The following CALD1 variants were observed in gnomAD, a reference collection of about 807,000 sequenced individuals.
CALD1 encodes caldesmon.
Under a neutral mutation model 99.9 loss-of-function variants are expected in CALD1, and 33 were observed. The observed-to-expected ratio is 0.33, with a 90% confidence interval of 0.25 to 0.44. The LOEUF (loss-of-function observed/expected upper bound fraction) is 0.44. Ranked by LOEUF, CALD1 falls within the 20% of genes least tolerant of loss-of-function variation. CALD1 has a pLI of 1.00. For synonymous variants in CALD1, 310 were observed against 325.0 expected (o/e 0.95, Z 0.50); for missense variants, 861 against 962.1 (o/e 0.89, Z 1.39).
chr7:134,821,598 T>C (rs1247978378), intron 1 of CALD1, among the ~76,000 whole-genome samples: 3 of 133,210 alleles, frequency 2.3e-5, no homozygotes, highest in African/African-American at 8.1e-5. Context: ...TTTTTTTTTT[T>C]TTGAGACAGA....
chr7:134,889,582 TGTAA>T (rs1463847573), intron 3 of CALD1, among the ~76,000 whole-genome samples: 5 of 152,162 alleles, frequency 3.3e-5, no homozygotes, highest in Non-Finnish European at 7.3e-5. Context: ...CACCGACTTT[TGTAA>T]GTAATTGAAG....
At chr7:134,792,260 G>A (rs374803406) in intron 1 of CALD1, among the ~76,000 whole-genome samples, 11 of 150,674 alleles carry the variant, frequency 7.3e-5, no homozygotes, top group Non-Finnish European at 1.3e-4. Context: ...CTTTCTGAAC[G>A]TGTATCTGCA....
chr7:134,870,591 C>T (rs1231985716), intron 3 of CALD1, among the ~76,000 whole-genome samples: 1 of 152,216 alleles, frequency 6.6e-6, no homozygotes, highest in Non-Finnish European at 1.5e-5. Context: ...AATAAACTTA[C>T]ACAAATTAAT....
chr7:134,736,861 TC>T, the CALD1 span, among the ~76,000 whole-genome samples: 72 of 152,318 alleles, frequency 4.7e-4, 1 homozygote, highest in South Asian at 4.8e-3. Context: ...ATTTTAGACT[TC>T]ATTAAAGTTT....
chr7:134,711,918 G>A, the CALD1 span, among the ~76,000 whole-genome samples: 5 of 151,136 alleles, frequency 3.3e-5, no homozygotes, highest in Non-Finnish European at 7.4e-5. Context: ...CACGTTCAGA[G>A]CAGGAACCAG....
the CALD1 span, among the ~76,000 whole-genome samples, chr7:134,729,771 G>C: frequency 3.2e-4 from 49 of 152,352 alleles, no homozygotes; most frequent in African/African-American, 1.1e-3. Flanking sequence ...AATATCAAGA[G>C]GAGCTTTGAG....
chr7:134,824,874 G>A (rs575347552), intron 1 of CALD1, among the ~76,000 whole-genome samples: 3 of 152,208 alleles, frequency 2.0e-5, no homozygotes, highest in South Asian at 4.2e-4. Context: ...AGAGATATAC[G>A]TCACTTGGTC....
At chr7:134,763,866 C>T (rs10230320) in intron 1 of CALD1, among the ~76,000 whole-genome samples, 130 of 148,148 alleles carry the variant, frequency 8.8e-4, no homozygotes, top group African/African-American at 3.2e-3. Flanking sequence ...TGCAGTGAGC[C>T]GAGATCGTGC....
chr7:134,769,305 T>TA (rs1481309588), intron 1 of CALD1, among the ~76,000 whole-genome samples: 5 of 152,168 alleles, frequency 3.3e-5, no homozygotes, highest in Non-Finnish European at 7.3e-5. Context: ...TAGATGTGCA[T>TA]ACTGAAAGTC....
chr7:134,967,116 G>C (rs1009803048), intron 14 of CALD1, among the ~76,000 whole-genome samples: 6 of 152,142 alleles, frequency 3.9e-5, no homozygotes, highest in Non-Finnish European at 5.9e-5. Context: ...CCTAGCCAGA[G>C]CTCTGGAAAG....
At chr7:134,951,605 C>T (rs775788746) in intron 9 of CALD1, among the ~76,000 whole-genome samples, 12 of 152,162 alleles carry the variant, frequency 7.9e-5, no homozygotes, top group Non-Finnish European at 1.5e-4. Context: ...GGAAAGGGTC[C>T]TTTTCCAGGA....
At chr7:134,728,845 CT>C in the CALD1 span, among the ~76,000 whole-genome samples, 9,448 of 121,152 alleles carry the variant, frequency 0.078, 82 homozygotes, top group South Asian at 0.13. Flanking sequence ...TATACCTTTT[CT>C]TTTTTTTTTT....
chr7:134,916,287 C>A (rs977217410), intron 3 of CALD1, among the ~76,000 whole-genome samples: 5 of 152,070 alleles, frequency 3.3e-5, no homozygotes, highest in South Asian at 2.1e-4. Flanking sequence ...AGTGTCAGAT[C>A]TATCATATAT....
intron 3 of CALD1, among the ~76,000 whole-genome samples, chr7:134,885,502 C>T (rs1024594266): frequency 6.6e-6 from 1 of 151,922 alleles, no homozygotes; most frequent in African/African-American, 2.4e-5. Flanking sequence ...GATTTCATTC[C>T]AGCTATAAAA....
At chr7:134,849,979 A>C (rs187536216) in intron 2 of CALD1, among the ~76,000 whole-genome samples, 144 of 152,374 alleles carry the variant, frequency 9.5e-4, no homozygotes, top group Middle Eastern at 3.4e-3. Context: ...ATCGTGTCTA[A>C]AGCTAATTAA....
At chr7:134,800,321 T>G (rs932009724) in intron 1 of CALD1, among the ~76,000 whole-genome samples, 1 of 152,132 alleles carries the variant, frequency 6.6e-6, no homozygotes, top group African/African-American at 2.4e-5. Flanking sequence ...ATCTCTGATA[T>G]TCTTACTAAT....
intron 2 of CALD1, among the ~76,000 whole-genome samples, chr7:134,844,913 C>T (rs1799791213): frequency 6.6e-6 from 1 of 152,168 alleles, no homozygotes; most frequent in Non-Finnish European, 1.5e-5. Context: ...TTAACTTAAT[C>T]ACTCTTTGAA....
chr7:134,727,003 G>A, the CALD1 span, among the ~76,000 whole-genome samples: 9 of 152,302 alleles, frequency 5.9e-5, no homozygotes, highest in Admixed American at 4.6e-4. Context: ...CCTCCTCACA[G>A]CTTCTTTGCA....
chr7:134,876,184 C>T (rs1801341381), intron 3 of CALD1, among the ~76,000 whole-genome samples: 1 of 152,198 alleles, frequency 6.6e-6, no homozygotes, highest in African/African-American at 2.4e-5. Context: ...CATCATGAAC[C>T]TCCGTCCGCA....
Sources: gnomAD v4.1 joint callset for allele counts (sites outside exome capture counted in the v4.1 genomes callset) on GRCh38, gnomAD v4.1.1 for gene constraint, MANE v1.5 for transcripts, NCBI Gene and HGNC (gene_info 2026-07-23, HGNC 2026-07-21) for gene names.